KIAA1217: variants seen among roughly 807,000 people sequenced by gnomAD.
The protein encoded by KIAA1217 is sickle tail protein homolog.
A neutral mutation model predicts 163.9 loss-of-function variants in KIAA1217; 88 were observed. The observed-to-expected ratio is 0.54, with a 90% CI of 0.45 to 0.64. The LOEUF (loss-of-function observed/expected upper bound fraction) is 0.64, where lower values mean the gene tolerates loss of function less well. Ranked by LOEUF, KIAA1217 falls within the 30% of genes least tolerant of loss-of-function variation. KIAA1217 has a pLI of 0.00. For missense variants in KIAA1217, 2,372 were observed against 2,475.0 expected (o/e 0.96, Z 0.88); for synonymous variants, 903 against 923.1 (o/e 0.98, Z 0.39).
Position 23,989,535 on chromosome 10 carries a change from G to A in KIAA1217, c.-320-17690G>A, listed in dbSNP as rs141283462. Among the ~76,000 whole-genome samples the A allele has an allele frequency of 4.4e-3, 667 of 152,224 alleles. 3 individuals are homozygous for A. The highest frequency in any genetic ancestry group is 0.012 in the African/African-American group (518 of 41,542). ...ATTCCTTCCCTCTGAATATAGAGCA[G>A]GTCACCTGTCACATGAGAGTCTTTA... On this transcript the variant is annotated intron_variant, in intron 1 of 18. Coordinates refer to the KIAA1217 transcript ENST00000376462.
intron 2 of KIAA1217, among the ~76,000 whole-genome samples, chr10:24,324,347 G>A (rs1433698148): frequency 3.3e-5 from 5 of 152,080 alleles, no homozygotes; most frequent in Non-Finnish European, 7.4e-5. Flanking sequence ...TGGGTGGATC[G>A]CTTGAGGTCA....
chr10:23,980,714 G>T (rs1845727904), intron 1 of KIAA1217, among the ~76,000 whole-genome samples: 1 of 152,142 alleles, frequency 6.6e-6, no homozygotes, highest in Non-Finnish European at 1.5e-5. Context: ...AGAGCTTGGT[G>T]TTCATTGATT....
At chr10:24,460,263 T>C (rs954164185) in intron 5 of KIAA1217, among the ~76,000 whole-genome samples, 8 of 152,218 alleles carry the variant, frequency 5.3e-5, no homozygotes, top group Non-Finnish European at 5.9e-5. Context: ...GCCTATAAAA[T>C]TGTATAACAA....
intron 1 of KIAA1217, among the ~76,000 whole-genome samples, chr10:23,755,681 GA>G (rs1466787611): frequency 6.6e-6 from 1 of 152,044 alleles, no homozygotes; most frequent in African/African-American, 2.4e-5. Flanking sequence ...ATTGTGGAAG[GA>G]AAAAATAGAA....
intron 1 of KIAA1217, among the ~76,000 whole-genome samples, chr10:23,704,212 A>ATATATG (rs1279215986): frequency 2.4e-5 from 3 of 122,488 alleles, no homozygotes; most frequent in African/African-American, 9.2e-5. Context: ...ATATATATAT[A>ATATATG]GTGAGCTCAG....
intron 1 of KIAA1217, among the ~76,000 whole-genome samples, chr10:23,865,386 G>T (rs1016179698): frequency 2.0e-5 from 3 of 152,028 alleles, no homozygotes; most frequent in African/African-American, 7.2e-5. Flanking sequence ...TCTGTGAATT[G>T]TATTTTGAGA....
At chr10:23,831,151 C>G (rs1838172596) in intron 1 of KIAA1217, among the ~76,000 whole-genome samples, 1 of 152,000 alleles carries the variant, frequency 6.6e-6, no homozygotes, top group African/African-American at 2.4e-5. Context: ...ACACAAAAAT[C>G]AACTCAAAAT....
chr10:24,236,239 T>C (rs1251189155), intron 2 of KIAA1217, among the ~76,000 whole-genome samples: 1 of 152,204 alleles, frequency 6.6e-6, no homozygotes, highest in Non-Finnish European at 1.5e-5. Context: ...TTTTCTCTTT[T>C]CTTTTCCATT....
At chr10:23,776,980 G>A (rs79181942) in intron 1 of KIAA1217, among the ~76,000 whole-genome samples, 3,666 of 151,312 alleles carry the variant, frequency 0.024, 85 homozygotes, top group Admixed American at 0.075. Flanking sequence ...CACAGGGCCC[G>A]GCTGACTGTG....
chr10:23,755,989 T>C (rs1833900956), intron 1 of KIAA1217, among the ~76,000 whole-genome samples: 1 of 152,140 alleles, frequency 6.6e-6, no homozygotes, highest in Non-Finnish European at 1.5e-5. Flanking sequence ...GGTTTCACTC[T>C]GTCATCCAGG....
chr10:24,278,269 A>G (rs1217971795), intron 2 of KIAA1217, among the ~76,000 whole-genome samples: 3 of 152,104 alleles, frequency 2.0e-5, no homozygotes, highest in Non-Finnish European at 2.9e-5. Flanking sequence ...GATGAGAGTT[A>G]CTCTGTGAGG....
intron 1 of KIAA1217, among the ~76,000 whole-genome samples, chr10:23,996,705 C>T (rs1003809414): frequency 6.6e-6 from 1 of 152,020 alleles, no homozygotes; most frequent in African/African-American, 2.4e-5. Context: ...AATTTATGTA[C>T]AAAATTATAA....
intron 1 of KIAA1217, among the ~76,000 whole-genome samples, chr10:23,953,831 T>A (rs1348063883): frequency 6.6e-6 from 1 of 152,236 alleles, no homozygotes; most frequent in African/African-American, 2.4e-5. Flanking sequence ...CAAGTGTTAA[T>A]GAAGAAACTC....
intron 1 of KIAA1217, among the ~76,000 whole-genome samples, chr10:23,880,516 A>C (rs1199228535): frequency 6.6e-6 from 1 of 151,914 alleles, no homozygotes; most frequent in African/African-American, 2.4e-5. Flanking sequence ...TTTAGAAAGA[A>C]TAAGTAAGAC....
chr10:24,003,202 T>A (rs1266112475), intron 1 of KIAA1217, among the ~76,000 whole-genome samples: 1 of 152,332 alleles, frequency 6.6e-6, no homozygotes, highest in East Asian at 1.9e-4. Context: ...GATTGGTAGA[T>A]CTACCTTTAG....
intron 1 of KIAA1217, among the ~76,000 whole-genome samples, chr10:23,757,587 A>G (rs1224380415): frequency 6.6e-6 from 1 of 152,004 alleles, no homozygotes; most frequent in Non-Finnish European, 1.5e-5. Flanking sequence ...GCGTGATCTC[A>G]GTTCACTGCA....
At chr10:23,811,454 C>G (rs1376964399) in intron 1 of KIAA1217, among the ~76,000 whole-genome samples, 1 of 151,278 alleles carries the variant, frequency 6.6e-6, no homozygotes, top group Non-Finnish European at 1.5e-5. Flanking sequence ...TAAATAGAAA[C>G]TAAAATTACA....
intron 1 of KIAA1217, among the ~76,000 whole-genome samples, chr10:23,961,982 T>C (rs1412640917): frequency 6.6e-6 from 1 of 152,226 alleles, no homozygotes; most frequent in African/African-American, 2.4e-5. Flanking sequence ...CCTAATGATC[T>C]CATTTTATCT....
At chr10:24,315,936 G>GC (rs1193722611) in intron 2 of KIAA1217, among the ~76,000 whole-genome samples, 1 of 147,740 alleles carries the variant, frequency 6.8e-6, no homozygotes, top group East Asian at 2.2e-4. Context: ...TAATGGGGGG[G>GC]GGGAATCCAA....
Sources: gnomAD v4.1 joint callset for allele counts (sites outside exome capture counted in the v4.1 genomes callset) on GRCh38, gnomAD v4.1.1 for gene constraint, MANE v1.5 for transcripts, NCBI Gene and HGNC (gene_info 2026-07-23, HGNC 2026-07-21) for gene names.